Variants in TSPAN9 observed in about 807,000 individuals in gnomAD.
TSPAN9 encodes tetraspanin-9.
TSPAN9 carries 16 observed loss-of-function variants against 31.0 expected under a neutral mutation model. The ratio of observed to expected loss-of-function variants is 0.52; its 90% confidence interval spans 0.35 to 0.78. TSPAN9 has a LOEUF of 0.78. TSPAN9 is among the 30% of genes least tolerant of loss of function. The pLI is 0.01. For missense variants in TSPAN9, 272 were observed against 312.5 expected (o/e 0.87, Z 0.98); for synonymous variants, 145 against 121.6 (o/e 1.19, Z -1.27).
chr12:3,142,574 C>T (rs4765713), intron 2 of TSPAN9, among the ~76,000 whole-genome samples: 1 of 152,004 alleles, frequency 6.6e-6, no homozygotes, highest in African/African-American at 2.4e-5. Flanking sequence ...TGTGAAAATC[C>T]GATCCGAGGC....
intron 3 of TSPAN9, among the ~76,000 whole-genome samples, chr12:3,239,577 G>A (rs989772212): frequency 2.0e-5 from 3 of 152,216 alleles, no homozygotes; most frequent in Non-Finnish European, 4.4e-5. Context: ...CAGAGAGAGA[G>A]GAGCTCATTT....
At chr12:3,084,806 T>C (rs995402230) in intron 2 of TSPAN9, among the ~76,000 whole-genome samples, 1 of 152,202 alleles carries the variant, frequency 6.6e-6, no homozygotes, top group African/African-American at 2.4e-5. Flanking sequence ...GAGCAGGGGC[T>C]CCAGCCCAGA....
intron 2 of TSPAN9, among the ~76,000 whole-genome samples, chr12:3,118,874 G>GA (rs1398945872): frequency 6.6e-6 from 1 of 152,210 alleles, no homozygotes; most frequent in Non-Finnish European, 1.5e-5. Context: ...AGGGTCAGGT[G>GA]ACATGTTAAG....
At chr12:3,211,679 C>A in intron 3 of TSPAN9, 4 of 1,566,662 alleles carry the variant, frequency 2.6e-6, no homozygotes, top group Non-Finnish European at 3.5e-6. Flanking sequence ...CTGCTTCCTC[C>A]TGAAGGAACA....
intron 3 of TSPAN9, among the ~76,000 whole-genome samples, chr12:3,227,842 G>A (rs1378707864): frequency 6.6e-6 from 1 of 152,220 alleles, no homozygotes; most frequent in Non-Finnish European, 1.5e-5. Context: ...TGCTCGGGTA[G>A]GCTGGGGTGG....
intron 3 of TSPAN9, among the ~76,000 whole-genome samples, chr12:3,270,873 A>T (rs1319960439): frequency 6.6e-6 from 1 of 152,350 alleles, no homozygotes; most frequent in East Asian, 1.9e-4. Context: ...GGTTTTGGTC[A>T]ATTGGGGAAG....
chr12:3,105,748 T>G (rs866823191), intron 2 of TSPAN9, among the ~76,000 whole-genome samples: 21 of 105,906 alleles, frequency 2.0e-4, no homozygotes, highest in African/African-American at 5.0e-4. Flanking sequence ...ACACACACAC[T>G]CACACACACG....
chr12:3,138,831 T>C (rs2098333369), intron 2 of TSPAN9, among the ~76,000 whole-genome samples: 1 of 152,164 alleles, frequency 6.6e-6, no homozygotes, highest in South Asian at 2.1e-4. Flanking sequence ...TGCTTGGCTT[T>C]CTTTCCCTGC....
intron 2 of TSPAN9, among the ~76,000 whole-genome samples, chr12:3,158,069 G>C (rs2098343178): frequency 6.6e-6 from 1 of 152,168 alleles, no homozygotes; most frequent in Non-Finnish European, 1.5e-5. Context: ...TCCAGGAGTT[G>C]GCGGCTTTTC....
intron 3 of TSPAN9, among the ~76,000 whole-genome samples, chr12:3,269,009 CCT>C (rs1862610414): frequency 1.0e-5 from 1 of 98,264 alleles, no homozygotes; most frequent in South Asian, 5.1e-4. Context: ...TGCAGCCTGC[CCT>C]CTCTGTGTTC....
intron 2 of TSPAN9, among the ~76,000 whole-genome samples, chr12:3,185,439 C>T (rs1205448887): frequency 5.9e-5 from 9 of 152,152 alleles, no homozygotes; most frequent in Non-Finnish European, 7.3e-5. Context: ...GGAATGTAGG[C>T]GTGCCCAATG....
intron 3 of TSPAN9, among the ~76,000 whole-genome samples, chr12:3,252,572 G>T (rs902177257): frequency 1.3e-5 from 2 of 152,222 alleles, no homozygotes; most frequent in African/African-American, 4.8e-5. Context: ...GGAGCCTGCC[G>T]CTAGCTGGGC....
At chr12:3,242,997 C>T (rs2098397396) in intron 3 of TSPAN9, among the ~76,000 whole-genome samples, 1 of 152,194 alleles carries the variant, frequency 6.6e-6, no homozygotes, top group Non-Finnish European at 1.5e-5. Context: ...AACTGGGTCT[C>T]CAGGTCTCCT....
chr12:3,206,122 G>T (rs1056733523), intron 3 of TSPAN9, among the ~76,000 whole-genome samples: 1 of 152,292 alleles, frequency 6.6e-6, no homozygotes, highest in South Asian at 2.1e-4. Flanking sequence ...AACACCCTCC[G>T]GCCTGCTCCT....
intron 2 of TSPAN9, among the ~76,000 whole-genome samples, chr12:3,140,287 G>A (rs190592280): frequency 6.6e-6 from 1 of 152,268 alleles, no homozygotes; most frequent in Non-Finnish European, 1.5e-5. Context: ...GGAATTTGGT[G>A]GTTGGTACCA....
intron 2 of TSPAN9, among the ~76,000 whole-genome samples, chr12:3,105,176 T>TAG (rs1483524974): frequency 1.3e-5 from 2 of 152,178 alleles, no homozygotes; most frequent in African/African-American, 4.8e-5. Flanking sequence ...CCCTGCTGTG[T>TAG]AGAGGCCTGA....
At chr12:3,144,456 G>A (rs627853) in intron 2 of TSPAN9, among the ~76,000 whole-genome samples, 2,068 of 152,268 alleles carry the variant, frequency 0.014, 58 homozygotes, top group African/African-American at 0.047. Flanking sequence ...TGACAGAGAC[G>A]GAGGCACAGG....
chr12:3,177,853 CA>C (rs1386064462), intron 2 of TSPAN9, among the ~76,000 whole-genome samples: 1 of 152,228 alleles, frequency 6.6e-6, no homozygotes, highest in Non-Finnish European at 1.5e-5. Context: ...CAGAATGATT[CA>C]GTCAGAGCCC....
rs534236974 is a variant in TSPAN9, at chr12:3,282,576, T to C, written c.649-469T>C. Among the ~76,000 whole-genome samples, 9 of 152,176 alleles carry C rather than the reference T, an allele frequency of 5.9e-5. No homozygotes were observed. The South Asian group carries it at 1.7e-3, about 28-fold the overall frequency. On this transcript the variant is annotated intron_variant, in intron 8 of 8. Transcript: ENST00000011898. Reference sequence around the variant, plus strand: ...ATACCTGAATGATTTACAACTTTTTTCCAAAAACAGATGGAGTCTCCCTCT... The same window carrying C: ...ATACCTGAATGATTTACAACTTTTTCCCAAAAACAGATGGAGTCTCCCTCT...
Sources: allele counts gnomAD v4.1 joint callset (sites outside exome capture counted in the v4.1 genomes callset), GRCh38; gene constraint gnomAD v4.1.1; transcripts MANE v1.5; gene names NCBI Gene and HGNC (gene_info 2026-07-23, HGNC 2026-07-21).